TENM4: variants seen among roughly 807,000 people sequenced by gnomAD.
TENM4 encodes teneurin-4.
TENM4 carries 82 observed loss-of-function variants against 243.3 expected under a neutral mutation model. The observed-to-expected ratio is 0.34, with a 90% confidence interval of 0.28 to 0.40. The LOEUF is 0.40. Ranked by LOEUF, TENM4 falls within the 10% of genes least tolerant of loss-of-function variation. The pLI is 1.00. For synonymous variants in TENM4, 1,412 were observed against 1,456.3 expected (o/e 0.97, Z 0.69); for missense variants, 3,138 against 3,673.3 (o/e 0.85, Z 3.77).
intron 6 of TENM4, among the ~76,000 whole-genome samples, chr11:79,047,496 A>G (rs1420300928): frequency 1.3e-5 from 2 of 152,202 alleles, no homozygotes; most frequent in Non-Finnish European, 2.9e-5. Flanking sequence ...AGCTCCCGGG[A>G]ACCACCACAC....
At chr11:79,421,928 C>A (rs1010059285) in intron 1 of TENM4, among the ~76,000 whole-genome samples, 1 of 152,050 alleles carries the variant, frequency 6.6e-6, no homozygotes, top group East Asian at 1.9e-4. Flanking sequence ...TCAATGAGGC[C>A]CAAGGTGCAG....
chr11:79,341,408 C>T (rs1397720), intron 1 of TENM4, among the ~76,000 whole-genome samples: 6,711 of 152,232 alleles, frequency 0.044, 189 homozygotes, highest in Middle Eastern at 0.085. Context: ...GCCACACAGG[C>T]ATTATCACAC....
chr11:79,369,917 T>C (rs1476309914), intron 1 of TENM4, among the ~76,000 whole-genome samples: 1 of 152,198 alleles, frequency 6.6e-6, no homozygotes, highest in Admixed American at 6.5e-5. Flanking sequence ...CAGGACTGTC[T>C]GTCTCCAAAG....
intron 9 of TENM4, among the ~76,000 whole-genome samples, chr11:78,886,637 G>A (rs1855555059): frequency 6.6e-6 from 1 of 152,216 alleles, no homozygotes; most frequent in South Asian, 2.1e-4. Flanking sequence ...CTGCTGTGTG[G>A]TAGAGCAGGG....
At chr11:79,024,202 T>G (rs970864330) in intron 6 of TENM4, among the ~76,000 whole-genome samples, 25 of 152,306 alleles carry the variant, frequency 1.6e-4, no homozygotes, top group African/African-American at 5.8e-4. Context: ...CACCACTGAC[T>G]TAGAATGTCC....
chr11:78,859,257 G>A (rs1175567969), intron 10 of TENM4, among the ~76,000 whole-genome samples: 2 of 152,082 alleles, frequency 1.3e-5, no homozygotes, highest in Non-Finnish European at 2.9e-5. Context: ...AAAAGTTAAA[G>A]GGCAACAGTC....
At chr11:79,337,265 A>C (rs1001749896) in intron 1 of TENM4, among the ~76,000 whole-genome samples, 2 of 152,212 alleles carry the variant, frequency 1.3e-5, no homozygotes, top group Non-Finnish European at 2.9e-5. Flanking sequence ...GTCAGGGCAG[A>C]CTGGGAGGAG....
chr11:78,926,788 C>T (rs1318517406), intron 6 of TENM4, among the ~76,000 whole-genome samples: 1 of 151,112 alleles, frequency 6.6e-6, no homozygotes, highest in East Asian at 1.9e-4. Context: ...TGGTATTTTA[C>T]AGATCAAGAT....
rs1235058729 is a variant in TENM4 at position 78,920,852 on chromosome 11, G to C, written c.494-17329C>G. Among the ~76,000 whole-genome samples the C allele has an allele frequency of 3.9e-5, 6 of 152,208 alleles. No homozygotes were observed. In the East Asian group the frequency reaches 1.2e-3, roughly 29 times the overall value. ...GTGGCTGTTTTCATGACCCTTCCTT[G>C]TGTCAGGTCAACCAAAGAGTGCATT... On this transcript the variant is annotated intron_variant, in intron 6 of 33. Transcript: ENST00000278550.
intron 6 of TENM4, among the ~76,000 whole-genome samples, chr11:78,981,684 T>C (rs1037148180): frequency 6.6e-6 from 1 of 152,198 alleles, no homozygotes; most frequent in African/African-American, 2.4e-5. Context: ...AATTGCCCTA[T>C]CTCTGGACTT....
At chr11:78,794,406 C>T (rs747914672) in intron 15 of TENM4, among the ~76,000 whole-genome samples, 1 of 152,164 alleles carries the variant, frequency 6.6e-6, no homozygotes, top group African/African-American at 2.4e-5. Context: ...TTGGCCTCAG[C>T]GTTCTCCGTG....
intron 4 of TENM4, among the ~76,000 whole-genome samples, chr11:79,085,695 G>A (rs147369770): frequency 3.1e-4 from 47 of 152,150 alleles, no homozygotes; most frequent in Non-Finnish European, 1.5e-5. Flanking sequence ...CCTCACTCAC[G>A]TTGTCTCCAT....
At chr11:79,202,403 G>A (rs895387539) in intron 3 of TENM4, among the ~76,000 whole-genome samples, 11 of 152,146 alleles carry the variant, frequency 7.2e-5, no homozygotes, top group Non-Finnish European at 1.5e-4. Flanking sequence ...ACAATGTCTG[G>A]GTGTGCAGAT....
chr11:79,436,518 A>G (rs865774809), intron 1 of TENM4, among the ~76,000 whole-genome samples: 30 of 152,340 alleles, frequency 2.0e-4, no homozygotes, highest in Middle Eastern at 6.8e-3. Flanking sequence ...CAAAACCACA[A>G]AAGATTGAGG....
chr11:79,035,011 A>C (rs1859340905), intron 6 of TENM4, among the ~76,000 whole-genome samples: 2 of 152,172 alleles, frequency 1.3e-5, no homozygotes, highest in African/African-American at 4.8e-5. Flanking sequence ...CATCCCCTAA[A>C]CACTTGAAAA....
At chr11:78,798,224 G>A (rs978765819) in intron 15 of TENM4, among the ~76,000 whole-genome samples, 2 of 152,222 alleles carry the variant, frequency 1.3e-5, no homozygotes, top group African/African-American at 4.8e-5. Context: ...TATGTTTAGA[G>A]CTTTAATTAT....
intron 6 of TENM4, among the ~76,000 whole-genome samples, chr11:78,995,766 T>G (rs1858158811): frequency 6.7e-6 from 1 of 150,150 alleles, no homozygotes; most frequent in Non-Finnish European, 1.5e-5. Flanking sequence ...AGAGTGAGGG[T>G]GGCAAGAAAG....
chr11:79,324,529 T>C (rs1856942564), intron 1 of TENM4, among the ~76,000 whole-genome samples: 2 of 152,196 alleles, frequency 1.3e-5, no homozygotes, highest in Admixed American at 6.5e-5. Context: ...CTGGCTTGTT[T>C]CTTTTTTCAA....
At chr11:79,346,419 A>G (rs981020191) in intron 1 of TENM4, among the ~76,000 whole-genome samples, 3 of 152,124 alleles carry the variant, frequency 2.0e-5, no homozygotes, top group Admixed American at 2.0e-4. Context: ...GGCACACCGT[A>G]GGCACTCATT....
Sources: allele counts gnomAD v4.1 joint callset (sites outside exome capture counted in the v4.1 genomes callset), GRCh38; gene constraint gnomAD v4.1.1; transcripts MANE v1.5; gene names NCBI Gene and HGNC (gene_info 2026-07-23, HGNC 2026-07-21).